The following NLGN1 variants were observed in gnomAD, a reference collection of about 807,000 sequenced individuals.
NLGN1 encodes the protein neuroligin-1.
In NLGN1, 12 loss-of-function variants were observed where a neutral mutation model predicts 65.5. The observed-to-expected ratio is 0.18, with a 90% CI of 0.12 to 0.30. NLGN1 has a LOEUF of 0.30. Among genes scored for constraint, NLGN1 ranks in the 10% least tolerant of loss-of-function variants. The pLI, the probability that NLGN1 is intolerant of heterozygous loss-of-function variation, is 1.00. For synonymous variants in NLGN1, 350 were observed against 359.5 expected, an observed-to-expected ratio of 0.97 and a Z score of 0.30; for missense variants, 750 against 1,007.1, an observed-to-expected ratio of 0.74 and a Z score of 3.46.
chr3:173,500,207 T>C (rs950136866), intron 2 of NLGN1, among the ~76,000 whole-genome samples: 3 of 152,168 alleles, frequency 2.0e-5, no homozygotes, highest in African/African-American at 7.2e-5. Context: ...ATAGCTCTTA[T>C]TATTTTGAGA....
intron 4 of NLGN1, among the ~76,000 whole-genome samples, chr3:174,179,667 C>G (rs1443005838): frequency 6.6e-6 from 1 of 152,012 alleles, no homozygotes; most frequent in Non-Finnish European, 1.5e-5. Flanking sequence ...TGTTGCAAAA[C>G]CAGAGTAGTA....
chr3:174,073,120 T>C (rs997869814), intron 4 of NLGN1, among the ~76,000 whole-genome samples: 1 of 152,138 alleles, frequency 6.6e-6, no homozygotes, highest in Non-Finnish European at 1.5e-5. Context: ...TATCTAATCA[T>C]ATTTTTAAGA....
intron 3 of NLGN1, among the ~76,000 whole-genome samples, chr3:173,799,851 C>T (rs1715022708): frequency 6.6e-6 from 1 of 151,824 alleles, no homozygotes; most frequent in Non-Finnish European, 1.5e-5. Context: ...ATTCATATCT[C>T]TGTCTTCTCT....
intron 2 of NLGN1, among the ~76,000 whole-genome samples, chr3:173,443,484 A>G (rs1719603030): frequency 6.6e-6 from 1 of 151,820 alleles, no homozygotes; most frequent in Non-Finnish European, 1.5e-5. Context: ...ATTATTTTCT[A>G]TTTTTGAAAG....
At chr3:173,911,701 A>G (rs1263855536) in intron 4 of NLGN1, among the ~76,000 whole-genome samples, 2 of 152,190 alleles carry the variant, frequency 1.3e-5, no homozygotes, top group African/African-American at 2.4e-5. Context: ...CAGTTCAGCA[A>G]AGGTTCCACT....
At chr3:173,404,402 A>G (rs1170774489) in intron 1 of NLGN1, among the ~76,000 whole-genome samples, 1 of 152,146 alleles carries the variant, frequency 6.6e-6, no homozygotes, top group African/African-American at 2.4e-5. Flanking sequence ...CTCTATTTTC[A>G]GGCTCCATGC....
intron 3 of NLGN1, among the ~76,000 whole-genome samples, chr3:173,670,997 TTATCCTTATAAAAATGATTCC>T (rs1762374432): frequency 6.6e-6 from 1 of 152,172 alleles, no homozygotes; most frequent in Non-Finnish European, 1.5e-5. Flanking sequence ...TGTCTTAATT[TTATCCTTATAAAAATGATTCC>T]TGTTGGCTTT....
chr3:173,592,040 G>T (rs1333155756), intron 2 of NLGN1, among the ~76,000 whole-genome samples: 2 of 152,060 alleles, frequency 1.3e-5, no homozygotes, highest in African/African-American at 4.8e-5. Context: ...GTATCCTGTG[G>T]TATTTTACAT....
chr3:174,001,325 G>T (rs1005694964), intron 4 of NLGN1, among the ~76,000 whole-genome samples: 1 of 151,460 alleles, frequency 6.6e-6, no homozygotes, highest in Non-Finnish European at 1.5e-5. Context: ...GTTAGAAACA[G>T]ATTTTTTTCT....
intron 3 of NLGN1, among the ~76,000 whole-genome samples, chr3:173,612,941 G>C (rs1489453389): frequency 6.6e-6 from 1 of 152,054 alleles, no homozygotes; most frequent in Non-Finnish European, 1.5e-5. Flanking sequence ...GTATATGTCT[G>C]TGTTCCAATG....
intron 4 of NLGN1, among the ~76,000 whole-genome samples, chr3:173,997,152 A>G (rs937995169): frequency 2.6e-5 from 4 of 152,132 alleles, no homozygotes; most frequent in Non-Finnish European, 4.4e-5. Flanking sequence ...TTTAGAGCAA[A>G]CTACATTCAA....
intron 2 of NLGN1, among the ~76,000 whole-genome samples, chr3:173,590,943 A>T (rs1748373050): frequency 6.6e-6 from 1 of 152,168 alleles, no homozygotes; most frequent in Non-Finnish European, 1.5e-5. Flanking sequence ...GGTACATTAG[A>T]GCTATTTTCT....
chr3:174,229,548 G>A (rs2152815529), intron 4 of NLGN1, among the ~76,000 whole-genome samples: 1 of 152,094 alleles, frequency 6.6e-6, no homozygotes, highest in East Asian at 1.9e-4. Flanking sequence ...CATTTAATTT[G>A]AACATTGTAT....
chr3:173,753,997 CT>C (rs199969449), intron 3 of NLGN1, among the ~76,000 whole-genome samples: 14 of 131,470 alleles, frequency 1.1e-4, no homozygotes, highest in East Asian at 4.4e-4. Flanking sequence ...TCTTCAAGTA[CT>C]TTTTTTTTCT....
intron 4 of NLGN1, among the ~76,000 whole-genome samples, chr3:174,079,988 C>T (rs1234166393): frequency 1.3e-5 from 2 of 151,976 alleles, no homozygotes; most frequent in African/African-American, 4.8e-5. Flanking sequence ...ACCCCCATGA[C>T]ACAAGTTTAT....
intron 2 of NLGN1, among the ~76,000 whole-genome samples, chr3:173,474,755 C>T (rs932272485): frequency 1.3e-5 from 2 of 151,950 alleles, no homozygotes; most frequent in African/African-American, 2.4e-5. Context: ...GTCAGGAGTT[C>T]GAGACCAGTC....
At chr3:173,970,761 A>T (rs1208020748) in intron 4 of NLGN1, among the ~76,000 whole-genome samples, 1 of 152,124 alleles carries the variant, frequency 6.6e-6, no homozygotes, top group Non-Finnish European at 1.5e-5. Context: ...CTTATCTGCA[A>T]AATACTTGCC....
At chr3:173,419,068 C>G (rs1229956176) in intron 1 of NLGN1, among the ~76,000 whole-genome samples, 2 of 49,784 alleles carry the variant, frequency 4.0e-5, no homozygotes, top group African/African-American at 1.7e-4. Context: ...CATCAGCCAT[C>G]ATTAGTGTTA....
intron 2 of NLGN1, among the ~76,000 whole-genome samples, chr3:173,450,835 T>C (rs1264666783): frequency 6.6e-6 from 1 of 152,226 alleles, no homozygotes; most frequent in Non-Finnish European, 1.5e-5. Context: ...CTGATACCCT[T>C]TCTTCCAGTT....
Sources: allele counts gnomAD v4.1 joint callset (sites outside exome capture counted in the v4.1 genomes callset), GRCh38; gene constraint gnomAD v4.1.1; transcripts MANE v1.5; gene names NCBI Gene and HGNC (gene_info 2026-07-23, HGNC 2026-07-21).